The following C11orf65 variants were observed in gnomAD, a reference collection of about 807,000 sequenced individuals.
The protein encoded by C11orf65 is chromosome 11 open reading frame 65.
C11orf65 carries 38 observed loss-of-function variants against 35.3 expected under a neutral mutation model. That is an observed-to-expected ratio of 1.08 (90% CI 0.83 to 1.41). The LOEUF (loss-of-function observed/expected upper bound fraction) is 1.41, where lower values mean the gene tolerates loss of function less well. C11orf65 is among the 40% of genes most tolerant of loss of function. C11orf65 has a pLI of 0.00. For missense variants in C11orf65, 370 were observed against 367.1 expected (o/e 1.01, Z -0.06); for synonymous variants, 105 against 114.4 (o/e 0.92, Z 0.53).
chr11:108,398,333 G>A (rs778866465), intron 6 of C11orf65, among the ~76,000 whole-genome samples: 6 of 152,160 alleles, frequency 3.9e-5, no homozygotes, highest in Admixed American at 3.9e-4. Context: ...TTACATGTAG[G>A]CACTAAAAGA....
intron 2 of C11orf65, among the ~76,000 whole-genome samples, chr11:108,460,345 T>A (rs1482842265): frequency 6.6e-6 from 1 of 152,112 alleles, no homozygotes; most frequent in Non-Finnish European, 1.5e-5. Context: ...AAGAGTGAGG[T>A]CATTTTACCT....
intron 2 of C11orf65, chr11:108,347,415 T>A (rs778673657): frequency 1.4e-6 from 2 of 1,410,776 alleles, no homozygotes; most frequent in South Asian, 2.3e-5. Flanking sequence ...TATTTGGTCA[T>A]CATGGAATGT....
At chr11:108,381,370 A>G (rs567693850), downstream of C11orf65, among the ~76,000 whole-genome samples, 7 of 152,272 alleles carry the variant, frequency 4.6e-5, no homozygotes, top group Admixed American at 4.6e-4. Context: ...GGAGGTCACA[A>G]TAAGGATTCC....
chr11:108,433,262 T>TCTATATATATAGATATATATAG (rs2093016399), intron 2 of C11orf65, among the ~76,000 whole-genome samples: 4 of 140,338 alleles, frequency 2.9e-5, no homozygotes, highest in Non-Finnish European at 6.0e-5. Flanking sequence ...TATCTCTCTC[T>TCTATATATATAGATATATATAG]ATATATATAT....
chr11:108,419,835 T>C (rs1263992917), intron 3 of C11orf65, among the ~76,000 whole-genome samples: 1 of 152,230 alleles, frequency 6.6e-6, no homozygotes, highest in African/African-American at 2.4e-5. Flanking sequence ...ATATTGATCC[T>C]TTCCCTCTGA....
chr11:108,398,587 A>C (rs1334788314), intron 6 of C11orf65, among the ~76,000 whole-genome samples: 1 of 152,216 alleles, frequency 6.6e-6, no homozygotes, highest in African/African-American at 2.4e-5. Context: ...AGTAAAACGC[A>C]TATTATTCTT....
rs574244643 is a variant in C11orf65 at position 108,333,803 on chromosome 11, A to G, written c.299+1417T>C. 2.5e-5 allele frequency: 27 copies of G among 1,071,604 alleles called. No homozygotes were observed. The South Asian group carries it at 3.3e-4, about 13-fold the overall frequency. 66.4% of individuals were successfully genotyped at this position (1,071,604 alleles called of 1,614,324 possible). Reference sequence around the variant, plus strand: ...CACAGATTAGCAACAAGTTGGGGCCAGTGGTATCTGCTGACTATTCCTGCT... The same window carrying G: ...CACAGATTAGCAACAAGTTGGGGCCGGTGGTATCTGCTGACTATTCCTGCT... On this transcript the variant is annotated intron_variant, in intron 3 of 3. Transcript: ENST00000524755.
chr11:108,378,901 A>G, downstream of C11orf65, among the ~76,000 whole-genome samples: 1 of 152,010 alleles, frequency 6.6e-6, no homozygotes, highest in East Asian at 1.9e-4. Flanking sequence ...TGGCCATCAG[A>G]GAAATGCAAA....
In C11orf65 at chr11:108,308,904, G is replaced by A. The variant is rs939571961; in HGVS notation, c.*67C>T. 8.7e-6 allele frequency: 8 copies of A among 919,726 alleles called. No homozygotes were observed. In the African/African-American group the frequency reaches 9.9e-5, roughly 11 times the overall value. 57.0% of individuals were successfully genotyped at this position (919,726 alleles called of 1,614,324 possible). On this transcript the variant is annotated 3_prime_UTR_variant, in exon 7 of 7. Transcript: ENST00000525729. ...GAGGAGGCCTATCAGAAGCTTTAAT[G>A]TAGTGGAGAGCATTTGTTTTCTTGG...
chr11:108,341,061 CTAAGT>C (rs1289036844), intron 2 of C11orf65, among the ~76,000 whole-genome samples: 22 of 152,030 alleles, frequency 1.4e-4, no homozygotes, highest in Non-Finnish European at 3.1e-4. Flanking sequence ...TGACAATTCT[CTAAGT>C]TAAGTGATCT....
At chr11:108,328,927 A>T, downstream of C11orf65, 1 of 1,297,200 alleles carries the variant, frequency 7.7e-7, no homozygotes, top group South Asian at 1.3e-5. Flanking sequence ...TATGTATATA[A>T]GTTAAATTTT....
rs549154538 is a variant in C11orf65 at position 108,449,385 on chromosome 11, A to C, written c.81+12094T>G. The stretch of plus-strand genomic sequence containing the variant: ...GCATCACACTACCTGACTTCAAACT[A>C]TACTACAAGGCTACAGTAACCAAAA... On this transcript the variant is annotated intron_variant, in intron 2 of 8. Transcript: ENST00000393084. Among the ~76,000 whole-genome samples, 38 of 152,102 alleles carry C rather than the reference A, an allele frequency of 2.5e-4. No individual in the cohort carries two copies. The East Asian group carries it at 5.8e-3, about 23-fold the overall frequency.
rs1216800516 is a variant in C11orf65, at chr11:108,331,749, A to T, written c.300-182T>A. 8 of 1,299,798 alleles carry T rather than the reference A, an allele frequency of 6.2e-6. No individual in the cohort carries two copies. The East Asian group carries it at 2.0e-4, about 33-fold the overall frequency. The allele number at this position is 1,299,798 out of a possible 1,614,324, so 80.5% of individuals were successfully genotyped here. A position where few individuals can be genotyped will look rare whatever the true frequency, so the allele number is the denominator to read the frequency against. Reference sequence around the variant, plus strand: ...ATAGGCCTCTGCCTTTTTCTCACACATGCAGGCATACACGCTCTACCCACT... The same window carrying T: ...ATAGGCCTCTGCCTTTTTCTCACACTTGCAGGCATACACGCTCTACCCACT... On this transcript the variant is annotated intron_variant, in intron 3 of 3. Coordinates refer to the C11orf65 transcript ENST00000524755.
chr11:108,316,229 T>G, intron 6 of C11orf65: 1 of 1,037,590 alleles, frequency 9.6e-7, no homozygotes, highest in Non-Finnish European at 1.5e-6. Context: ...CTAGAACTTA[T>G]CTGTTTTTCA....
intron 7 of C11orf65, among the ~76,000 whole-genome samples, chr11:108,392,602 G>C (rs532281021): frequency 2.1e-4 from 32 of 152,206 alleles, no homozygotes; most frequent in African/African-American, 7.7e-4. Flanking sequence ...TTTCCAAAGT[G>C]GCTGCACCAT....
chr11:108,330,123 T>C, downstream of C11orf65: 1 of 1,442,488 alleles, frequency 6.9e-7, no homozygotes, highest in Non-Finnish European at 9.5e-7. Flanking sequence ...AAAACCCAAC[T>C]TTTTTCATTA....
chr11:108,312,177 CAT>C (rs1258523515), intron 6 of C11orf65, among the ~76,000 whole-genome samples: 15 of 152,138 alleles, frequency 9.9e-5, no homozygotes, highest in Admixed American at 7.9e-4. Context: ...TATAAATAAT[CAT>C]ATTTTTGCAT....
chr11:108,345,726 ATATT>A lies in C11orf65; in HGVS notation c.227-10438_227-10435del, dbSNP rs774275044. 72 of 1,538,596 alleles carry A rather than the reference ATATT, an allele frequency of 4.7e-5. No individual in the cohort carries two copies. The highest frequency in any genetic ancestry group is 5.7e-5 in the Non-Finnish European group (64 of 1,122,714). ...ACACAATATTGAAAAATAATTATAT[ATATT>A]CTCTATTTAAAGGAGGTGCAAAAAA... On this transcript the variant is annotated intron_variant, in intron 2 of 3. Transcript: ENST00000524755.
rs550217282 is a variant in C11orf65, at chr11:108,401,985, T to C, written c.560+3444A>G. Among the ~76,000 whole-genome samples the C allele has an allele frequency of 2.6e-5, 4 of 152,316 alleles. No homozygotes were observed. The South Asian group carries it at 8.3e-4, about 32-fold the overall frequency. ...CCAGCCAACTCTCGATCTAACAACC[T>C]TAGAATCCACCCTCACACAATGCTT... On this transcript the variant is annotated intron_variant, in intron 6 of 8. Transcript: ENST00000393084.
Sources: allele counts gnomAD v4.1 joint callset (sites outside exome capture counted in the v4.1 genomes callset), GRCh38; gene constraint gnomAD v4.1.1; transcripts MANE v1.5; gene names NCBI Gene and HGNC (gene_info 2026-07-23, HGNC 2026-07-21).